Variants in IDH1 observed in about 807,000 individuals in gnomAD.
IDH1 encodes isocitrate dehydrogenase (NADP(+)) 1.
In IDH1, 33 loss-of-function variants were observed where a neutral mutation model predicts 46.1. The observed-to-expected ratio is 0.72, with a 90% confidence interval of 0.54 to 0.96. The LOEUF (loss-of-function observed/expected upper bound fraction) is 0.96, where lower values mean the gene tolerates loss of function less well. Among genes scored for constraint, IDH1 ranks in the 40% least tolerant of loss-of-function variants. The probability of loss-of-function intolerance (pLI) is 0.00; values close to 1 mark genes in which losing one functional copy is unlikely to be tolerated. For synonymous variants in IDH1, 144 were observed against 172.8 expected, an observed-to-expected ratio of 0.83 and a Z score of 1.31; for missense variants, 421 against 515.7, an observed-to-expected ratio of 0.82 and a Z score of 1.78.
chr2:208,251,765 A>G (rs1287341602), intron 2 of IDH1, among the ~76,000 whole-genome samples, 198 bp from the exon 3 acceptor site: 2 of 152,168 alleles, frequency 1.3e-5, no homozygotes, highest in Non-Finnish European at 2.9e-5. Flanking sequence ...CTCTGAACAA[A>G]GTATTGTGTT....
chr2:208,248,641 T>C lies in IDH1; in HGVS notation c.142A>G (p.Asn48Asp), dbSNP rs1172899722. The C allele has an allele frequency of 1.2e-6, 2 of 1,614,040 alleles. No individual in the cohort carries two copies. Among genetic ancestry groups the C allele is most frequent in the Non-Finnish European group, 1.7e-6 (2 of 1,180,016 alleles). ...ACTTGGTCGTTGGTGGCATCACGAT[T>C]CTCTATGCCTAAATCATAGCTTGAA... ...DLHSYDLGIE[N>D]RDATNDQVTK... Residue 48 changes from asparagine (N) to aspartate (D), a missense_variant, in exon 4 of 10, where the codon AAT (asparagine) becomes GAT (aspartate). Transcript: ENST00000345146.
chr2:208,239,024 G>A (rs112625205), intron 9 of IDH1, 47 bp downstream of exon 9: 21,102 of 1,517,220 alleles, frequency 0.014, 282 homozygotes, highest in African/African-American at 0.063. Flanking sequence ...AGCCCAGTGA[G>A]GATAAGTGTT....
intron 3 of IDH1, among the ~76,000 whole-genome samples, chr2:208,249,193 C>CT (rs536892104): frequency 0.096 from 13,502 of 140,730 alleles, 659 homozygotes; most frequent in Middle Eastern, 0.12. Context: ...GAGCCTTTCC[C>CT]TTTTTTTTTT....
rs1687928473 is a variant in IDH1 at position 208,242,042 on chromosome 2, C to A, written c.802G>T (p.Ala268Ser). Residue 268 changes from alanine (A) to serine (S), a missense_variant, in exon 7 of 10, where the codon GCC becomes TCC. Coordinates refer to ENST00000345146, the MANE Select transcript of IDH1 (RefSeq NM_005896.4). ...AMKSEGGFIW[A>S]CKNYDGDVQS... ...ACGTCACCATCATAGTTTTTACAGG[C>A]CCAGATGAAGCCTCCCTCTGATTTC... The A allele has an allele frequency of 6.2e-7, 1 of 1,612,954 alleles. No homozygotes were observed. The highest frequency in any genetic ancestry group is 1.3e-5 in the African/African-American group (1 of 74,984).
chr2:208,246,885 G>A (rs146273840), intron 4 of IDH1, among the ~76,000 whole-genome samples: 1,649 of 152,274 alleles, frequency 0.011, 22 homozygotes, highest in Middle Eastern at 0.027. Context: ...AGAGGTTGCA[G>A]TGAGCCAAGA....
In IDH1 at chr2:208,243,577, T is replaced by C. The variant is rs34599179; in HGVS notation, c.548A>G (p.Tyr183Cys). Reference protein sequence around the residue: ...EEGGGVAMGMYNQDKSIEDFA... With the variant: ...EEGGGVAMGMCNQDKSIEDFA... ...ATCTTCAATTGACTTATCTTGATTA[T>C]ACATCCCCATGGCAACACCACCACC... The change falls in exon 6 of 10, where the codon TAT becomes TGT. Residue 183 changes from tyrosine (Y) to cysteine (C), a missense_variant. By Grantham distance (194) the Tyr-to-Cys change is radical (BLOSUM62 -2). Coordinates refer to ENST00000345146, the MANE Select transcript of IDH1 (RefSeq NM_005896.4). The C allele has an allele frequency of 0.011, 18,016 of 1,613,870 alleles. 159 individuals carry two copies. The highest frequency in any genetic ancestry group is 0.013 in the Non-Finnish European group (14,947 of 1,179,760).
intron 4 of IDH1, 33 bp downstream of exon 4, chr2:208,248,336 A>G (rs762178005): frequency 5.9e-5 from 94 of 1,603,076 alleles, no homozygotes; most frequent in Non-Finnish European, 7.3e-5. Flanking sequence ...AAAAAAAAAC[A>G]TGCAAAATCA....
At chr2:208,237,539 T>G (rs1687834043) in intron 9 of IDH1, among the ~76,000 whole-genome samples, 3 of 152,154 alleles carry the variant, frequency 2.0e-5, no homozygotes, top group Admixed American at 2.0e-4. Flanking sequence ...ATTCAGGGCA[T>G]AGCCAAACCT....
chr2:208,240,025 G>C (rs969856542), intron 7 of IDH1, 22 bp from the exon 8 acceptor site: 3 of 1,613,896 alleles, frequency 1.9e-6, no homozygotes, highest in Non-Finnish European at 2.5e-6. Flanking sequence ...GGAGCATGAA[G>C]CGTTGGGTCC....
chr2:208,236,776 G>A lies in IDH1; in HGVS notation c.*303C>T, dbSNP rs1255533341. The A allele has an allele frequency of 2.6e-6, 1 of 378,122 alleles. No homozygotes were observed. Among genetic ancestry groups the A allele is most frequent in the Non-Finnish European group, 4.8e-6 (1 of 207,424 alleles). The allele number at this position is 378,122 out of a possible 1,614,324, so 23.4% of individuals were successfully genotyped here. A position where few individuals can be genotyped will look rare whatever the true frequency, so the allele number is the denominator to read the frequency against. On this transcript the variant is annotated 3_prime_UTR_variant, in exon 10 of 10. Coordinates refer to ENST00000345146, the MANE Select transcript of IDH1 (RefSeq NM_005896.4). ...TACCCTTTTGAGCAATCTTGATTTTGGTCATTTATAATTAGAACATGAGAA... is the reference window on the plus strand; with the variant it reads ...TACCCTTTTGAGCAATCTTGATTTTAGTCATTTATAATTAGAACATGAGAA...
chr2:208,240,251 G>GCA lies in IDH1; in HGVS notation c.851-249_851-248insTG, dbSNP rs1168082882. ...CAGGGATACCTACTCCTTGATGGAG[G>GCA]GTTCAGGGTCCAACTGCCTACATTC... On this transcript the variant is annotated intron_variant, in intron 7 of 9. Coordinates refer to ENST00000345146, the MANE Select transcript of IDH1 (RefSeq NM_005896.4). The GCA allele has an allele frequency of 5.7e-6, 3 of 528,640 alleles. No homozygotes were observed. In the Admixed American group the frequency reaches 8.4e-5, roughly 15 times the overall value. The allele number at this position is 528,640 out of a possible 1,614,324, so 32.7% of individuals were successfully genotyped here. A position where few individuals can be genotyped will look rare whatever the true frequency, so the allele number is the denominator to read the frequency against.
intron 1 of IDH1, 105 bp downstream of exon 1, chr2:208,254,834 C>G (rs927180737): frequency 1.3e-5 from 2 of 152,424 alleles, no homozygotes; most frequent in African/African-American, 4.8e-5. Flanking sequence ...CCCTCCACAC[C>G]CAAGATCTGC....
chr2:208,251,660 A>C, intron 2 of IDH1, 93 bp from the exon 3 acceptor site: 1 of 989,436 alleles, frequency 1.0e-6, no homozygotes, highest in Non-Finnish European at 1.5e-6. Flanking sequence ...CAACGTAGTG[A>C]CTACTAAAAG....
intron 9 of IDH1, among the ~76,000 whole-genome samples, chr2:208,238,496 T>C (rs1230793929): frequency 6.6e-6 from 1 of 152,094 alleles, no homozygotes; most frequent in Non-Finnish European, 1.5e-5. Flanking sequence ...CTCAGAAAAA[T>C]TCTCAGTAAA....
At chr2:208,254,084 T>G (rs1453912680) in intron 1 of IDH1, 125 bp from the exon 2 acceptor site, 1 of 152,250 alleles carries the variant, frequency 6.6e-6, no homozygotes, top group Non-Finnish European at 1.5e-5. Context: ...GTGTACTCGG[T>G]GGGACAAAGG....
intron 7 of IDH1, chr2:208,240,445 CAG>C (rs1687898075): frequency 1.3e-5 from 2 of 155,464 alleles, no homozygotes; most frequent in African/African-American, 2.4e-5. Context: ...GTACTGGACA[CAG>C]AGCTCAATCT....
At chr2:208,246,064 G>A (rs1028330440) in intron 4 of IDH1, among the ~76,000 whole-genome samples, 2 of 152,236 alleles carry the variant, frequency 1.3e-5, no homozygotes, top group South Asian at 2.1e-4. Flanking sequence ...GGCCATCGGG[G>A]CTCGGTCTCT....
intron 4 of IDH1, 80 bp from the exon 5 acceptor site, chr2:208,245,504 A>G: frequency 2.6e-6 from 2 of 769,376 alleles, no homozygotes; most frequent in East Asian, 5.3e-5. Flanking sequence ...TATAATATAG[A>G]CCTAGAAGAC....
intron 7 of IDH1, among the ~76,000 whole-genome samples, chr2:208,241,389 AT>A (rs35384132): frequency 0.84 from 101,207 of 119,960 alleles, 43,731 homozygotes; most frequent in Non-Finnish European, 0.94. Context: ...CACCTGGCTA[AT>A]TTTTTTTTTT....
Sources: allele counts gnomAD v4.1 joint callset (sites outside exome capture counted in the v4.1 genomes callset), GRCh38; gene constraint gnomAD v4.1.1; transcripts MANE v1.5; gene names NCBI Gene and HGNC (gene_info 2026-07-23, HGNC 2026-07-21).